The following TANC2 variants were observed in gnomAD, a reference collection of about 807,000 sequenced individuals.
The protein encoded by TANC2 is protein TANC2.
TANC2 carries 26 observed loss-of-function variants against 210.5 expected under a neutral mutation model. The ratio of observed to expected loss-of-function variants is 0.12; its 90% CI spans 0.09 to 0.17. TANC2 has a LOEUF of 0.17. Ranked by LOEUF, TANC2 falls within the 10% of genes least tolerant of loss-of-function variation. TANC2 has a pLI of 1.00. For synonymous variants in TANC2, 931 were observed against 967.1 expected, an observed-to-expected ratio of 0.96 and a Z score of 0.69; for missense variants, 2,129 against 2,608.9, an observed-to-expected ratio of 0.82 and a Z score of 4.01.
chr17:63,017,445 T>C (rs186367394), intron 2 of TANC2, among the ~76,000 whole-genome samples: 94 of 152,356 alleles, frequency 6.2e-4, no homozygotes, highest in Non-Finnish European at 1.1e-3. Flanking sequence ...TTTTAAGTTT[T>C]TGTTCACTGT....
chr17:63,050,359 G>GAAAAAAAAA (rs755089558), intron 2 of TANC2, among the ~76,000 whole-genome samples: 1 of 84,872 alleles, frequency 1.2e-5, no homozygotes, highest in Non-Finnish European at 2.6e-5. Context: ...CCTGTTTCAA[G>GAAAAAAAAA]AAAAAAAAAA....
chr17:63,081,748 A>G (rs564403664), intron 3 of TANC2, among the ~76,000 whole-genome samples: 2 of 152,364 alleles, frequency 1.3e-5, no homozygotes, highest in South Asian at 4.1e-4. Flanking sequence ...ATTTTGTATC[A>G]GAACATATTA....
At chr17:63,344,154 C>T (rs1418878991) in intron 12 of TANC2, among the ~76,000 whole-genome samples, 1 of 152,152 alleles carries the variant, frequency 6.6e-6, no homozygotes, top group Non-Finnish European at 1.5e-5. Flanking sequence ...CATAGGAGCA[C>T]GAACTCTATT....
At chr17:63,342,846 T>A (rs1235690117) in intron 12 of TANC2, among the ~76,000 whole-genome samples, 2 of 152,220 alleles carry the variant, frequency 1.3e-5, no homozygotes, top group Admixed American at 6.5e-5. Flanking sequence ...GTTTTATAGT[T>A]TTGCTACAAG....
chr17:63,322,226 A>G (rs908798408), intron 11 of TANC2, among the ~76,000 whole-genome samples: 8 of 152,176 alleles, frequency 5.3e-5, no homozygotes, highest in Middle Eastern at 6.8e-3. Flanking sequence ...CTTCTTTAGA[A>G]CAGTTAGAAT....
At chr17:63,202,880 TTAATTTA>T (rs1225396200) in intron 7 of TANC2, among the ~76,000 whole-genome samples, 7 of 152,300 alleles carry the variant, frequency 4.6e-5, no homozygotes, top group Admixed American at 3.9e-4. Flanking sequence ...GTTTGTGATT[TTAATTTA>T]TAAAGTGGCA....
intron 7 of TANC2, among the ~76,000 whole-genome samples, chr17:63,205,369 A>G (rs1015074895): frequency 6.7e-6 from 1 of 148,746 alleles, no homozygotes; most frequent in Non-Finnish European, 1.5e-5. Flanking sequence ...AAAAAAAAAA[A>G]AAACCTCATA....
rs1237985301 is a variant in TANC2 at position 62,966,437 on chromosome 17, C to G, written c.-336C>G. Among the ~76,000 whole-genome samples the G allele has an allele frequency of 6.8e-6, 1 of 148,084 alleles. No individual in the cohort carries two copies. The highest frequency in any genetic ancestry group is 1.5e-5 in the Non-Finnish European group (1 of 66,384). Reference sequence around the variant, plus strand: ...TCCTTCGGGCGGCCCCGCCCCCATTCCCATCCCCCTCGCGCTCACCTCCCG... The same window carrying G: ...TCCTTCGGGCGGCCCCGCCCCCATTGCCATCCCCCTCGCGCTCACCTCCCG... On this transcript the variant is annotated 5_prime_UTR_variant, in exon 1 of 28. Transcript: ENST00000689528. This position sits in a 1 kb window ranked among gnomAD's most constrained non-coding sequence, Gnocchi z 5.1.
At chr17:63,322,902 T>C (rs868209650) in intron 11 of TANC2, among the ~76,000 whole-genome samples, 90 of 152,244 alleles carry the variant, frequency 5.9e-4, no homozygotes, top group African/African-American at 2.1e-3. Context: ...CATGATTACA[T>C]GTTAAATTTC....
Position 63,172,373 on chromosome 17 carries a change from G to A in TANC2, c.433+20993G>A, listed in dbSNP as rs148061787. The stretch of plus-strand genomic sequence containing the variant: ...ATTTTTTTGTATTTTTAGTAGACAG[G>A]GTTTCACCATGTTGGCCAGGCTGGT... On this transcript the variant is annotated intron_variant, in intron 5 of 27. Coordinates refer to ENST00000689528, the Ensembl canonical transcript of TANC2. 4.2e-3 allele frequency among the ~76,000 whole-genome samples: 632 copies of A among 151,606 alleles called. 5 individuals are homozygous for A. The highest frequency in any genetic ancestry group is 0.013 in the African/African-American group (549 of 41,356).
intron 14 of TANC2, among the ~76,000 whole-genome samples, chr17:63,376,396 C>T (rs1293871629): frequency 2.6e-5 from 4 of 152,028 alleles, no homozygotes; most frequent in Admixed American, 6.6e-5. Flanking sequence ...ATGCTGTTCT[C>T]GTGATAGCTG....
rs145295232 is a variant in TANC2 at position 63,369,463 on chromosome 17, T to G, written c.2583-10255T>G. On this transcript the variant is annotated intron_variant, in intron 14 of 27. Coordinates refer to ENST00000689528, the Ensembl canonical transcript of TANC2. ...GCTGCTGGGGATAGAAAGTGACTCA[T>G]TACTGTCACGGGACACAAGGACTCC... Among the ~76,000 whole-genome samples, 88 of 152,284 alleles carry G rather than the reference T, an allele frequency of 5.8e-4. No homozygotes were observed. The East Asian group carries it at 0.012, about 21-fold the overall frequency.
chr17:63,259,751 C>G (rs1413692873), intron 8 of TANC2, among the ~76,000 whole-genome samples: 1 of 152,172 alleles, frequency 6.6e-6, no homozygotes, highest in Non-Finnish European at 1.5e-5. Flanking sequence ...ATTTCTGTCG[C>G]TCACCCAGCT....
chr17:63,312,706 C>T (rs2045169608), intron 9 of TANC2, among the ~76,000 whole-genome samples: 1 of 152,008 alleles, frequency 6.6e-6, no homozygotes, highest in African/African-American at 2.4e-5. Flanking sequence ...GTACGTGTGC[C>T]CTCTTGAATC....
intron 7 of TANC2, 65 bp downstream of exon 7, chr17:63,201,022 C>T: frequency 7.1e-7 from 1 of 1,417,578 alleles, no homozygotes; most frequent in Non-Finnish European, 9.5e-7. Flanking sequence ...ATTACACAAG[C>T]TTAAGGTTTT....
intron 2 of TANC2, among the ~76,000 whole-genome samples, chr17:63,019,748 T>G (rs1401692142): frequency 6.6e-6 from 1 of 152,196 alleles, no homozygotes; most frequent in Non-Finnish European, 1.5e-5. Context: ...CATCTTTTCA[T>G]GTACTTATTT....
chr17:63,055,819 A>G (rs1196400027), intron 2 of TANC2, among the ~76,000 whole-genome samples: 1 of 150,282 alleles, frequency 6.7e-6, no homozygotes, highest in Non-Finnish European at 1.5e-5. Flanking sequence ...ATGGATTCCT[A>G]GATTCTATGA....
chr17:63,372,113 A>G (rs2147025818), intron 14 of TANC2, among the ~76,000 whole-genome samples: 1 of 152,326 alleles, frequency 6.6e-6, no homozygotes, highest in Non-Finnish European at 1.5e-5. Context: ...TAAAATATCT[A>G]AAATCAAATA....
Position 63,420,818 on chromosome 17 carries a change from T to A in TANC2, c.5088T>A (p.Ile1696=), listed in dbSNP as rs571724905. The A allele has an allele frequency of 1.6e-5, 26 of 1,613,790 alleles. No homozygotes were observed. The highest frequency in any genetic ancestry group is 1.3e-4 in the African/African-American group (10 of 74,876). ...GGCTACAGCCTGCCAAGGCCCAGAT[T>A]GTGAGAAGTAACCAGCCCAGCCCAG... Residue 1696 remains isoleucine, a synonymous_variant, in exon 28 of 28, where the codon ATT becomes ATA. Transcript: ENST00000689528. This position sits in a 1 kb window ranked among gnomAD's most constrained non-coding sequence, Gnocchi z 4.2.
Sources: allele counts gnomAD v4.1 joint callset (sites outside exome capture counted in the v4.1 genomes callset), GRCh38; gene constraint gnomAD v4.1.1; non-coding constraint Gnocchi (gnomAD v3.1); transcripts MANE v1.5; gene names NCBI Gene and HGNC (gene_info 2026-07-23, HGNC 2026-07-21).